The following ANKFY1 variants were observed in gnomAD, a reference collection of about 807,000 sequenced individuals.
ANKFY1 encodes ankyrin repeat and FYVE domain-containing protein 1.
Under a neutral mutation model 128.3 loss-of-function variants are expected in ANKFY1, and 47 were observed. The ratio of observed to expected loss-of-function variants is 0.37; its 90% CI spans 0.29 to 0.47. ANKFY1 has a LOEUF of 0.47. Ranked by LOEUF, ANKFY1 falls within the 20% of genes least tolerant of loss-of-function variation. The pLI is 1.00. For synonymous variants in ANKFY1, 553 were observed against 601.6 expected, an observed-to-expected ratio of 0.92 and a Z score of 1.18; for missense variants, 1,222 against 1,510.6, an observed-to-expected ratio of 0.81 and a Z score of 3.17.
intron 3 of ANKFY1, chr17:4,223,805 T>A: frequency 6.8e-7 from 1 of 1,472,894 alleles, no homozygotes; most frequent in Non-Finnish European, 9.4e-7. Context: ...CACAGTTTCA[T>A]GCAGGCCTGG....
intron 3 of ANKFY1, among the ~76,000 whole-genome samples, chr17:4,225,848 G>T (rs1400328470): frequency 6.6e-6 from 1 of 152,106 alleles, no homozygotes; most frequent in South Asian, 2.1e-4. Context: ...TGCAACCTCT[G>T]CCTTGCAGGC....
At chr17:4,208,168 G>A in intron 5 of ANKFY1, 86 bp from the exon 6 acceptor site, 1 of 1,349,844 alleles carries the variant, frequency 7.4e-7, no homozygotes, top group South Asian at 1.5e-5. Context: ...AAATGCATCA[G>A]TCAGGCCCTT....
Position 4,206,377 on chromosome 17 carries a change from T to A in ANKFY1, c.842A>T (p.Asp281Val). The A allele has an allele frequency of 6.2e-7, 1 of 1,614,214 alleles. No homozygotes were observed. Among genetic ancestry groups the A allele is most frequent in the Middle Eastern group, 1.6e-4 (1 of 6,062 alleles). Reference sequence around the variant, plus strand: ...GCCACTCTTGTCCACCATGTCCACATCAGCTTTGTGACTAACCAGCGTGGT... The same window carrying A: ...GCCACTCTTGTCCACCATGTCCACAACAGCTTTGTGACTAACCAGCGTGGT... ...IATTLVSHKADVDMVDKSGWS... is the reference protein window; with the variant it reads ...IATTLVSHKAVVDMVDKSGWS... Residue 281 changes from aspartate to valine, a missense_variant, in exon 7 of 25, where the codon GAT becomes GTT. Physicochemically the swap from Asp to Val is radical, Grantham distance 152. Coordinates refer to ENST00000341657, the MANE Select transcript of ANKFY1 (RefSeq NM_001330063.2).
At chr17:4,208,845 G>A (rs1048933957) in intron 5 of ANKFY1, among the ~76,000 whole-genome samples, 9 of 152,150 alleles carry the variant, frequency 5.9e-5, no homozygotes, top group African/African-American at 2.2e-4. Context: ...GATCACCTGA[G>A]GTTGGGAGTT....
chr17:4,184,033 G>C (rs2059566293), intron 12 of ANKFY1, 123 bp from the exon 13 acceptor site: 1 of 767,112 alleles, frequency 1.3e-6, no homozygotes, highest in African/African-American at 1.7e-5. Context: ...TATAAAAAGA[G>C]AGTAGATAAA....
At chr17:4,251,958 C>T (rs911721234) in intron 1 of ANKFY1, among the ~76,000 whole-genome samples, 7 of 150,256 alleles carry the variant, frequency 4.7e-5, no homozygotes, top group Non-Finnish European at 7.4e-5. Context: ...CACTTGAATC[C>T]GGGAGACAGA....
chr17:4,233,572 G>T (rs114821546), intron 3 of ANKFY1, among the ~76,000 whole-genome samples: 3 of 152,130 alleles, frequency 2.0e-5, no homozygotes, highest in Non-Finnish European at 4.4e-5. Flanking sequence ...GACAGAGTTC[G>T]CTCACAGTTG....
chr17:4,252,444 C>G (rs1452385189), intron 1 of ANKFY1, among the ~76,000 whole-genome samples: 1 of 152,066 alleles, frequency 6.6e-6, no homozygotes, highest in South Asian at 2.1e-4. Flanking sequence ...TGGTGTGCAC[C>G]TGCAGTCCTA....
At chr17:4,173,325 C>CG (rs770860052) in intron 21 of ANKFY1, 29 bp downstream of exon 21, 2 of 1,605,278 alleles carry the variant, frequency 1.2e-6, no homozygotes, top group South Asian at 2.2e-5. Flanking sequence ...CCAGGCGCCG[C>CG]GGGGCCTACT....
intron 24 of ANKFY1, among the ~76,000 whole-genome samples, chr17:4,168,603 G>T (rs2059256136): frequency 6.6e-6 from 1 of 152,082 alleles, no homozygotes; most frequent in African/African-American, 2.4e-5. Context: ...AAGTAGCTGG[G>T]ATTACAGGTG....
chr17:4,185,110 C>A, intron 11 of ANKFY1, 64 bp from the exon 12 acceptor site: 1 of 1,478,382 alleles, frequency 6.8e-7, no homozygotes, highest in Non-Finnish European at 9.2e-7. Flanking sequence ...AAGAGCGTGG[C>A]AGCCTAAGTG....
chr17:4,263,759 C>G, intron 1 of ANKFY1, 173 bp downstream of exon 1: 1 of 1,523,960 alleles, frequency 6.6e-7, no homozygotes, highest in African/African-American at 1.4e-5. Flanking sequence ...ATAGGAACCG[C>G]GCTCCGGACC....
intron 11 of ANKFY1, chr17:4,186,903 G>A: frequency 1.9e-5 from 21 of 1,090,902 alleles, no homozygotes; most frequent in Non-Finnish European, 2.3e-5. Context: ...CCTTAAATGT[G>A]TAGAAATTCA....
chr17:4,198,248 T>G (rs2059864078), intron 7 of ANKFY1, among the ~76,000 whole-genome samples: 1 of 152,124 alleles, frequency 6.6e-6, no homozygotes, highest in Non-Finnish European at 1.5e-5. Flanking sequence ...CTTTCTTTCT[T>G]ATTTCCTGAC....
chr17:4,194,431 T>C (rs1442309222), intron 10 of ANKFY1: 2 of 149,642 alleles, frequency 1.3e-5, no homozygotes, highest in African/African-American at 2.5e-5. Flanking sequence ...TTAACTTCTT[T>C]AGGGAAAGGG....
At position 4,235,782 on chromosome 17, in the gene ANKFY1, C is replaced by G; in HGVS notation, c.312G>C (p.Leu104Phe). Reference sequence around the variant, plus strand: ...CACTCAAAGGCTCACCTGACAGGTCCAACTCTTTAGTGGAAGACAAGTTAG... The same window carrying G: ...CACTCAAAGGCTCACCTGACAGGTCGAACTCTTTAGTGGAAGACAAGTTAG... ...SLANLSSTKELDLSDANPEVT... is the reference protein window; with the variant it reads ...SLANLSSTKEFDLSDANPEVT... The change falls in exon 3 of 25, where the codon TTG (leucine) becomes TTC (phenylalanine). Residue 104 changes from leucine (L) to phenylalanine (F), a missense_variant. Coordinates refer to ENST00000341657, the MANE Select transcript of ANKFY1 (RefSeq NM_001330063.2). The G allele has an allele frequency of 6.2e-7, 1 of 1,613,976 alleles. No individual in the cohort carries two copies. The highest frequency in any genetic ancestry group is 8.5e-7 in the Non-Finnish European group (1 of 1,179,884).
chr17:4,204,652 C>T (rs560033204), intron 7 of ANKFY1, among the ~76,000 whole-genome samples: 1 of 152,150 alleles, frequency 6.6e-6, no homozygotes, highest in East Asian at 1.9e-4. Flanking sequence ...GATGATTTAT[C>T]ATCAAACATA....
At chr17:4,173,277 A>T in intron 21 of ANKFY1, 77 bp downstream of exon 21, 1 of 1,409,262 alleles carries the variant, frequency 7.1e-7, no homozygotes, top group Non-Finnish European at 1.0e-6. Context: ...CCTGGGGCTG[A>T]TGGGAGGCAC....
At chr17:4,213,144 C>A (rs1184051005) in intron 4 of ANKFY1, among the ~76,000 whole-genome samples, 1 of 152,162 alleles carries the variant, frequency 6.6e-6, no homozygotes, top group Non-Finnish European at 1.5e-5. Flanking sequence ...AGTCATTTCT[C>A]TGTTTAGCAG....
Sources: gnomAD v4.1 joint callset for allele counts (sites outside exome capture counted in the v4.1 genomes callset) on GRCh38, gnomAD v4.1.1 for gene constraint, MANE v1.5 for transcripts, NCBI Gene and HGNC (gene_info 2026-07-23, HGNC 2026-07-21) for gene names.